Variants in LRRIQ1 observed in about 807,000 individuals in gnomAD.
LRRIQ1 encodes leucine-rich repeat- and IQ domain-containing protein 1.
Under a neutral mutation model 211.9 loss-of-function variants are expected in LRRIQ1, and 210 were observed. That is an observed-to-expected ratio of 0.99 (90% CI 0.89 to 1.11). The LOEUF is 1.11. LRRIQ1 is among the 50% of genes most tolerant of loss of function. The probability of loss-of-function intolerance (pLI) is 0.00; values close to 1 mark genes in which losing one functional copy is unlikely to be tolerated. For missense variants in LRRIQ1, 2,136 were observed against 1,939.5 expected (o/e 1.10, Z -1.90); for synonymous variants, 699 against 650.1 (o/e 1.08, Z -1.14).
At chr12:85,074,892 G>A (rs1305594184) in intron 11 of LRRIQ1, among the ~76,000 whole-genome samples, 1 of 151,784 alleles carries the variant, frequency 6.6e-6, no homozygotes, top group Non-Finnish European at 1.5e-5. Flanking sequence ...ATGAAAAATG[G>A]GATTTATAAC....
chr12:85,203,170 G>A (rs918737000), intron 24 of LRRIQ1, among the ~76,000 whole-genome samples: 11 of 152,076 alleles, frequency 7.2e-5, no homozygotes, highest in African/African-American at 1.4e-4. Context: ...AGGGGTTTTC[G>A]CTTTTGCATC....
chr12:85,132,424 A>C (rs1888833053), intron 18 of LRRIQ1, among the ~76,000 whole-genome samples: 2 of 152,040 alleles, frequency 1.3e-5, no homozygotes, highest in Non-Finnish European at 2.9e-5. Context: ...TGTTAGGGAG[A>C]AGGCGTTCTG....
chr12:85,214,593 T>C (rs994460481), intron 24 of LRRIQ1, among the ~76,000 whole-genome samples: 11 of 151,980 alleles, frequency 7.2e-5, no homozygotes, highest in Admixed American at 7.2e-4. Context: ...CCCATACATA[T>C]AATGTTTAGT....
chr12:85,235,766 A>G (rs1032350017), intron 26 of LRRIQ1, among the ~76,000 whole-genome samples: 2 of 152,216 alleles, frequency 1.3e-5, no homozygotes, highest in Non-Finnish European at 2.9e-5. Context: ...AGTTGTACCC[A>G]AATAAGTCTA....
chr12:85,239,069 A>C (rs1321019997), intron 26 of LRRIQ1, among the ~76,000 whole-genome samples: 1 of 152,132 alleles, frequency 6.6e-6, no homozygotes, highest in Non-Finnish European at 1.5e-5. Context: ...CAAGCCCTCT[A>C]CACTCATAAC....
chr12:85,163,507 A>C (rs974444756), intron 24 of LRRIQ1, among the ~76,000 whole-genome samples: 3 of 152,110 alleles, frequency 2.0e-5, no homozygotes, highest in African/African-American at 7.2e-5. Flanking sequence ...CTGCTTGACT[A>C]TTGCTTTCCA....
chr12:85,134,222 T>C (rs1300583077), intron 18 of LRRIQ1, among the ~76,000 whole-genome samples: 1 of 152,112 alleles, frequency 6.6e-6, no homozygotes, highest in African/African-American at 2.4e-5. Flanking sequence ...CTGCTGATGG[T>C]ATATTTAGGT....
At chr12:85,115,127 G>A (rs1216170891) in intron 15 of LRRIQ1, among the ~76,000 whole-genome samples, 1 of 152,140 alleles carries the variant, frequency 6.6e-6, no homozygotes, top group African/African-American at 2.4e-5. Context: ...ATATTCACCA[G>A]GAAATTTTCA....
intron 15 of LRRIQ1, among the ~76,000 whole-genome samples, chr12:85,113,499 C>T (rs140488124): frequency 2.0e-5 from 3 of 152,154 alleles, no homozygotes; most frequent in East Asian, 1.9e-4. Context: ...GTTTTTGCTT[C>T]GGTTACATAG....
chr12:85,038,373 C>T lies in LRRIQ1; in HGVS notation c.132+65C>T, dbSNP rs534719657. The T allele has an allele frequency of 4.7e-5, 60 of 1,288,948 alleles. No homozygotes were observed. In the African/African-American group the frequency reaches 6.6e-4, roughly 14 times the overall value. The allele number at this position is 1,288,948 out of a possible 1,614,324, so 79.8% of individuals were successfully genotyped here. A position where few individuals can be genotyped will look rare whatever the true frequency, so the allele number is the denominator to read the frequency against. On this transcript the variant is annotated intron_variant, in intron 2 of 26. Transcript: ENST00000393217. ...TTTTCAGGAGAAATATTACTTTTCT[C>T]AGGATGTTTTTATGTACTTCTCATT...
chr12:85,160,616 C>G lies in LRRIQ1; in HGVS notation c.4724C>G (p.Ser1575Cys). The G allele has an allele frequency of 6.3e-7, 1 of 1,592,162 alleles. No homozygotes were observed. Among genetic ancestry groups the G allele is most frequent in the South Asian group, 1.1e-5 (1 of 90,178 alleles). ...CTTTCTTATTCGTTTTGTTTAGATT[C>G]CACTGTGCGTCTAGCCTTATTCAAA... ...KSKKLKKKID[S>C]TVRLALFKNN... Residue 1575 changes from serine to cysteine, a missense_variant, in exon 24 of 27, where the codon TCC becomes TGC. Coordinates refer to ENST00000393217, the MANE Select transcript of LRRIQ1 (RefSeq NM_001079910.2).
intron 24 of LRRIQ1, among the ~76,000 whole-genome samples, chr12:85,185,727 A>G (rs899318170): frequency 6.6e-6 from 1 of 151,984 alleles, no homozygotes; most frequent in African/African-American, 2.4e-5. Flanking sequence ...TATCTGTCTC[A>G]TATAAACAGA....
intron 2 of LRRIQ1, among the ~76,000 whole-genome samples, chr12:85,040,099 T>C (rs896740407): frequency 6.6e-6 from 1 of 151,572 alleles, no homozygotes; most frequent in African/African-American, 2.4e-5. Context: ...TATCAGGTAT[T>C]AGTTTGATAT....
intron 24 of LRRIQ1, among the ~76,000 whole-genome samples, chr12:85,176,333 C>T (rs7967471): frequency 4.6e-5 from 7 of 151,756 alleles, no homozygotes; most frequent in African/African-American, 7.3e-5. Flanking sequence ...ATAAGAATGC[C>T]TGTGATTTTT....
intron 26 of LRRIQ1, among the ~76,000 whole-genome samples, chr12:85,242,020 G>A (rs1895484943): frequency 6.6e-6 from 1 of 151,890 alleles, no homozygotes; most frequent in Admixed American, 6.6e-5. Context: ...GGGGAGAGCG[G>A]CAATTACAAA....
At chr12:85,132,105 T>G (rs1157948746) in intron 18 of LRRIQ1, among the ~76,000 whole-genome samples, 1 of 152,090 alleles carries the variant, frequency 6.6e-6, no homozygotes, top group African/African-American at 2.4e-5. Context: ...CCTGATGATT[T>G]GAGCAGGATC....
chr12:85,054,390 A>T (rs2135972004), intron 7 of LRRIQ1, among the ~76,000 whole-genome samples: 1 of 152,282 alleles, frequency 6.6e-6, no homozygotes, highest in South Asian at 2.1e-4. Flanking sequence ...CATTCCCCAG[A>T]GGTCTGAAAT....
chr12:85,173,634 C>T (rs866934341), intron 24 of LRRIQ1, among the ~76,000 whole-genome samples: 21 of 151,886 alleles, frequency 1.4e-4, no homozygotes, highest in African/African-American at 4.1e-4. Context: ...CACACACACA[C>T]GCACACACAC....
intron 8 of LRRIQ1, among the ~76,000 whole-genome samples, chr12:85,063,733 T>C (rs1483398752): frequency 6.6e-6 from 1 of 151,746 alleles, no homozygotes; most frequent in African/African-American, 2.4e-5. Flanking sequence ...TTTGACTTTC[T>C]AATCCTATGA....
Sources: gnomAD v4.1 joint callset for allele counts (sites outside exome capture counted in the v4.1 genomes callset) on GRCh38, gnomAD v4.1.1 for gene constraint, MANE v1.5 for transcripts, NCBI Gene and HGNC (gene_info 2026-07-23, HGNC 2026-07-21) for gene names.